The following DCP1B variants were observed in gnomAD, a reference collection of about 807,000 sequenced individuals.
The protein encoded by DCP1B is mRNA-decapping enzyme 1B.
DCP1B carries 47 observed loss-of-function variants against 60.5 expected under a neutral mutation model. The observed-to-expected ratio is 0.78, with a 90% CI of 0.61 to 0.99. The LOEUF (loss-of-function observed/expected upper bound fraction) is 0.99. Among genes scored for constraint, DCP1B ranks in the 50% least tolerant of loss-of-function variants. DCP1B has a pLI of 0.00. For synonymous variants in DCP1B, 267 were observed against 280.3 expected, an observed-to-expected ratio of 0.95 and a Z score of 0.47; for missense variants, 725 against 756.8, an observed-to-expected ratio of 0.96 and a Z score of 0.49.
intron 3 of DCP1B, among the ~76,000 whole-genome samples, chr12:1,972,556 C>T (rs1055247892): frequency 9.2e-5 from 14 of 152,158 alleles, no homozygotes; most frequent in Admixed American, 4.6e-4. Flanking sequence ...AGTTCAAGAA[C>T]CTATTTCACC....
intron 1 of DCP1B, 35 bp from the exon 2 acceptor site, chr12:1,998,010 T>C: frequency 1.3e-6 from 2 of 1,578,590 alleles, no homozygotes; most frequent in East Asian, 2.3e-5. Flanking sequence ...AAGACATGTA[T>C]GTTCTCTTCA....
chr12:1,972,999 G>A (rs1592851360), intron 3 of DCP1B, among the ~76,000 whole-genome samples: 3 of 152,186 alleles, frequency 2.0e-5, no homozygotes, highest in Non-Finnish European at 4.4e-5. Context: ...GGCTCTGTGC[G>A]GATTCTGTAC....
At chr12:1,968,219 G>T (rs2031443808) in intron 3 of DCP1B, among the ~76,000 whole-genome samples, 1 of 151,990 alleles carries the variant, frequency 6.6e-6, no homozygotes, top group Non-Finnish European at 1.5e-5. Flanking sequence ...AGGCCTGGTG[G>T]CGGGCGTCCA....
chr12:1,949,361 G>A (rs778387474), intron 7 of DCP1B, 27 bp from the exon 8 acceptor site: 2 of 1,608,000 alleles, frequency 1.2e-6, no homozygotes, highest in Non-Finnish European at 1.7e-6. Flanking sequence ...CACACAGAGA[G>A]CGGGGTTCAG....
chr12:2,000,686 G>C (rs761429287), intron 1 of DCP1B, among the ~76,000 whole-genome samples: 12 of 152,158 alleles, frequency 7.9e-5, no homozygotes, highest in Admixed American at 7.2e-4. Flanking sequence ...TGGGGTTCTT[G>C]CCAGATCATG....
At chr12:1,996,663 CT>C (rs2040996683) in intron 2 of DCP1B, among the ~76,000 whole-genome samples, 1 of 69,800 alleles carries the variant, frequency 1.4e-5, no homozygotes, top group Admixed American at 1.5e-4. Flanking sequence ...AAACAACAAA[CT>C]CTTCTAATGT....
chr12:1,995,484 A>G (rs2040574397), intron 2 of DCP1B, among the ~76,000 whole-genome samples: 1 of 152,244 alleles, frequency 6.6e-6, no homozygotes. Context: ...AGACTCATAT[A>G]CCAACGGTTC....
intron 2 of DCP1B, among the ~76,000 whole-genome samples, chr12:1,996,649 AAAAAAAC>A (rs2040940130): frequency 2.1e-5 from 1 of 46,840 alleles, no homozygotes; most frequent in African/African-American, 1.2e-4. Context: ...AAAAAAAAAA[AAAAAAAC>A]AACAAACTCT....
chr12:1,993,688 G>A (rs2040095129), intron 2 of DCP1B, among the ~76,000 whole-genome samples: 2 of 149,122 alleles, frequency 1.3e-5, no homozygotes, highest in African/African-American at 5.0e-5. Context: ...TTAACCTAAC[G>A]TTGTAAATTC....
chr12:2,004,145 G>C, intron 1 of DCP1B, 137 bp downstream of exon 1: 19 of 1,136,796 alleles, frequency 1.7e-5, no homozygotes, highest in East Asian at 6.0e-5. Context: ...CCACAACTTC[G>C]GCCTCAGTCC....
chr12:1,974,716 T>A (rs2033746904), intron 3 of DCP1B, among the ~76,000 whole-genome samples: 1 of 152,142 alleles, frequency 6.6e-6, no homozygotes, highest in Admixed American at 6.5e-5. Flanking sequence ...CAAGCTTACA[T>A]ATATAAGCAC....
chr12:1,946,312 G>A, intron 8 of DCP1B, 26 bp from the exon 9 acceptor site: 1 of 1,574,798 alleles, frequency 6.4e-7, no homozygotes, highest in Non-Finnish European at 8.6e-7. Flanking sequence ...AAAGACCCAA[G>A]AGAATGTTAC....
At position 1,948,142 on chromosome 12, in the gene DCP1B, G is replaced by C. The variant is rs1033184981; in HGVS notation, c.1773+944C>G. Among the ~76,000 whole-genome samples the C allele has an allele frequency of 6.6e-6, 1 of 152,212 alleles. No individual in the cohort carries two copies. Among genetic ancestry groups the C allele is most frequent in the Admixed American group, 6.5e-5 (1 of 15,290 alleles). On this transcript the variant is annotated intron_variant, in intron 8 of 8. Coordinates refer to ENST00000280665, the MANE Select transcript of DCP1B (RefSeq NM_152640.5). This position sits in a 1 kb window ranked among gnomAD's most constrained non-coding sequence, Gnocchi z 4.8. ...AAAAGACACCTAAATATGTTAACTGGGGTGTCTGAAGTCTGTCTGGCTACA... is the reference window on the plus strand; with the variant it reads ...AAAAGACACCTAAATATGTTAACTGCGGTGTCTGAAGTCTGTCTGGCTACA...
At chr12:1,987,702 C>T (rs749054567) in intron 3 of DCP1B, among the ~76,000 whole-genome samples, 3 of 152,180 alleles carry the variant, frequency 2.0e-5, no homozygotes, top group Non-Finnish European at 2.9e-5. Flanking sequence ...TTACAATACA[C>T]ACAAATTCAC....
intron 5 of DCP1B, 89 bp downstream of exon 5, chr12:1,965,469 G>T: frequency 7.4e-7 from 1 of 1,356,822 alleles, no homozygotes; most frequent in Non-Finnish European, 9.6e-7. Context: ...GGAAGGAACA[G>T]CATCCACAGT....
chr12:1,965,410 T>C, intron 5 of DCP1B, 148 bp downstream of exon 5: 1 of 1,053,666 alleles, frequency 9.5e-7, no homozygotes, highest in African/African-American at 1.7e-5. Flanking sequence ...TTATAAAAAA[T>C]CTATATTACA....
intron 1 of DCP1B, among the ~76,000 whole-genome samples, chr12:2,001,633 G>C (rs566240749): frequency 1.3e-5 from 2 of 152,152 alleles, no homozygotes; most frequent in Admixed American, 1.3e-4. Flanking sequence ...CATGTAGCAC[G>C]TGAGTCACCT....
At chr12:1,954,073 T>C (rs2030789734) in intron 6 of DCP1B, among the ~76,000 whole-genome samples, 1 of 151,994 alleles carries the variant, frequency 6.6e-6, no homozygotes, top group Non-Finnish European at 1.5e-5. Context: ...TCCCAGCTAC[T>C]TGGGAGGCTG....
downstream of DCP1B, among the ~76,000 whole-genome samples, chr12:1,943,113 A>G (rs2030320543): frequency 6.6e-6 from 1 of 152,360 alleles, no homozygotes; most frequent in South Asian, 2.1e-4. Context: ...GACAAAGGGG[A>G]TATCACCACA....
Sources: allele counts gnomAD v4.1 joint callset (sites outside exome capture counted in the v4.1 genomes callset), GRCh38; gene constraint gnomAD v4.1.1; non-coding constraint Gnocchi (gnomAD v3.1); transcripts MANE v1.5; gene names NCBI Gene and HGNC (gene_info 2026-07-23, HGNC 2026-07-21).